The following TFAP2A variants were observed in gnomAD, a reference collection of about 807,000 sequenced individuals.
The protein encoded by TFAP2A is transcription factor AP-2-alpha.
A neutral mutation model predicts 41.5 loss-of-function variants in TFAP2A; 7 were observed. The observed-to-expected ratio is 0.17, with a 90% CI of 0.10 to 0.32. The LOEUF is 0.32. Among genes scored for constraint, TFAP2A ranks in the 10% least tolerant of loss-of-function variants. TFAP2A has a pLI of 1.00. For missense variants in TFAP2A, 416 were observed against 563.3 expected (o/e 0.74, Z 2.65); for synonymous variants, 247 against 242.8 (o/e 1.02, Z -0.16).
intron 4 of TFAP2A, among the ~76,000 whole-genome samples, chr6:10,403,612 A>G (rs1757523340): frequency 6.7e-6 from 1 of 149,794 alleles, no homozygotes; most frequent in South Asian, 2.1e-4. Context: ...AAAGAAGAGA[A>G]GAAACATTAT....
At chr6:10,412,352 G>A in intron 1 of TFAP2A, 1 of 934,440 alleles carries the variant, frequency 1.1e-6, no homozygotes, top group Non-Finnish European at 1.3e-6. Context: ...AGCGCAGAGA[G>A]GGAGAATGTG....
rs1416631400 is a variant in TFAP2A at position 10,398,892 on chromosome 6, A to C, written c.1032-187T>G. 6.6e-6 allele frequency among the ~76,000 whole-genome samples: 1 copy of C among 152,162 alleles called. No individual in the cohort carries two copies. Among genetic ancestry groups the C allele is most frequent in the African/African-American group, 2.4e-5 (1 of 41,436 alleles). On this transcript the variant is annotated intron_variant, in intron 6 of 6. Coordinates refer to ENST00000379613, the MANE Select transcript of TFAP2A (RefSeq NM_001372066.1). This position sits in a 1 kb window ranked among gnomAD's most constrained non-coding sequence, Gnocchi z 5.3. Reference sequence around the variant, plus strand: ...GAGATCCAGCCACCTTTCAGTGACCACTAAACCATCTCTCTTTACTTCCTA... The same window carrying C: ...GAGATCCAGCCACCTTTCAGTGACCCCTAAACCATCTCTCTTTACTTCCTA...
At chr6:10,415,355 A>C, upstream of TFAP2A, 1 of 1,099,322 alleles carries the variant, frequency 9.1e-7, no homozygotes, top group Non-Finnish European at 1.2e-6. Flanking sequence ...CAGTACCACA[A>C]TCTGCCGCCG....
rs1201428666 is a variant in TFAP2A, at chr6:10,400,543, G to A, written c.936C>T (p.Thr312=). 6 of 1,614,076 alleles carry A rather than the reference G, an allele frequency of 3.7e-6. No individual in the cohort carries two copies. The African/African-American group carries it at 5.3e-5, about 14-fold the overall frequency. The change falls in exon 6 of 7, where the codon ACC becomes ACT. Residue 312 remains threonine, a synonymous_variant. Coordinates refer to ENST00000379613, the MANE Select transcript of TFAP2A (RefSeq NM_001372066.1). Reference sequence around the variant, plus strand: ...CAGCTACTGCTTTGGCAGGAAATTCGGTTTCGCACACGTACCCAAAGTCCC... The same window carrying A: ...CAGCTACTGCTTTGGCAGGAAATTCAGTTTCGCACACGTACCCAAAGTCCC... ...LARDFGYVCE[T]EFPAKAVAEF...
chr6:10,419,361 C>G (rs933316101), upstream of TFAP2A: 26 of 1,585,992 alleles, frequency 1.6e-5, no homozygotes, highest in African/African-American at 4.0e-5. Context: ...CGCTCCGGCC[C>G]CCTCCCCTAC....
intron 1 of TFAP2A, 24 bp downstream of exon 1, chr6:10,414,917 T>C (rs760053934): frequency 6.2e-7 from 1 of 1,612,838 alleles, no homozygotes; most frequent in Admixed American, 1.7e-5. Context: ...ACCGCACGGA[T>C]GATCGAGCCG....
intron 1 of TFAP2A, chr6:10,411,434 G>C (rs985114603): frequency 1.2e-5 from 17 of 1,435,772 alleles, no homozygotes; most frequent in African/African-American, 8.4e-5. Context: ...GGAAGGTGGG[G>C]TGGGGGATGC....
Position 10,404,484 on chromosome 6 carries a change from G to A in TFAP2A, c.770+24C>T, listed in dbSNP as rs554069233. ...GGTTCCCCCGGCCGCGGGGCGGGGC[G>A]GGCGGGGCCGTGCCGGGCCTCACCT... On this transcript the variant is annotated intron_variant, in intron 4 of 6. Coordinates refer to ENST00000379613, the MANE Select transcript of TFAP2A (RefSeq NM_001372066.1). 4.6e-6 allele frequency: 7 copies of A among 1,512,932 alleles called. No homozygotes were observed. The East Asian group carries it at 1.0e-4, about 23-fold the overall frequency. 93.7% of individuals were successfully genotyped at this position (1,512,932 alleles called of 1,614,324 possible).
At chr6:10,419,448 C>T, upstream of TFAP2A, 2 of 1,614,170 alleles carry the variant, frequency 1.2e-6, no homozygotes, top group East Asian at 2.2e-5. Flanking sequence ...CAAGTATGGA[C>T]ATCGCGGCTC....
chr6:10,399,898 C>T (rs1050449130), intron 6 of TFAP2A, among the ~76,000 whole-genome samples: 24 of 118,488 alleles, frequency 2.0e-4, no homozygotes, highest in Admixed American at 9.1e-4. Flanking sequence ...GGGTGTGGGT[C>T]TCTCTCTCTC....
At chr6:10,400,718 C>G (rs1030616041) in intron 5 of TFAP2A, 129 bp from the exon 6 acceptor site, 1 of 1,107,910 alleles carries the variant, frequency 9.0e-7, no homozygotes. Flanking sequence ...TACTTGTTTT[C>G]TCATTTCAGG....
chr6:10,402,343 C>T (rs765317217), intron 5 of TFAP2A, 149 bp downstream of exon 5: 1 of 751,480 alleles, frequency 1.3e-6, no homozygotes, highest in Admixed American at 1.8e-5. Context: ...TTCTTTTTGC[C>T]ATGAAATAAT....
intron 1 of TFAP2A, chr6:10,411,980 G>A (rs951312640): frequency 9.2e-7 from 1 of 1,087,566 alleles, no homozygotes; most frequent in Non-Finnish European, 1.1e-6. Flanking sequence ...CTTCGCTTGA[G>A]CTTCTAATAA....
chr6:10,404,247 G>A (rs943775112), intron 4 of TFAP2A, among the ~76,000 whole-genome samples: 6 of 152,128 alleles, frequency 3.9e-5, no homozygotes, highest in Admixed American at 3.9e-4. Flanking sequence ...GACTCCGCGA[G>A]CGCGCGGCAG....
At chr6:10,406,664 CCTAT>C (rs1054839270) in intron 3 of TFAP2A, 125 bp downstream of exon 3, 150 of 798,856 alleles carry the variant, frequency 1.9e-4, no homozygotes, top group South Asian at 4.3e-4. Flanking sequence ...CTGTTCTGTG[CCTAT>C]CTATTTGCTA....
At chr6:10,417,552 C>T (rs1247023649), upstream of TFAP2A, among the ~76,000 whole-genome samples, 1 of 152,238 alleles carries the variant, frequency 6.6e-6, no homozygotes, top group Non-Finnish European at 1.5e-5. Flanking sequence ...AGCGCCAGGC[C>T]TGGGGTTGGA....
Position 10,410,312 on chromosome 6 carries a change from G to A in TFAP2A, c.75C>T (p.Asn25=), listed in dbSNP as rs1409558696. The A allele has an allele frequency of 1.2e-6, 2 of 1,612,192 alleles. No homozygotes were observed. The highest frequency in any genetic ancestry group is 3.3e-5 in the Admixed American group (2 of 59,868). ...DCEDRHDGTS[N]GTARLPQLGT... ...CCAGCTGGGGCAACCGTGCCGTCCC[G>A]TTGCTGGTGCCGTCGTGACGGTCCT... Residue 25 remains asparagine, a synonymous_variant, in exon 2 of 7, where the codon AAC becomes AAT. Transcript: ENST00000379613.
At position 10,402,486 on chromosome 6, in the gene TFAP2A, G is replaced by A. The variant is rs752341029; in HGVS notation, c.889+6C>T. The A allele has an allele frequency of 5.6e-6, 9 of 1,600,090 alleles. No individual in the cohort carries two copies. Among genetic ancestry groups the A allele is most frequent in the African/African-American group, 5.4e-5 (4 of 74,628 alleles). ...TTCCTTCTAGTTAGCAAGTGGATTC[G>A]CTTACCCTCTACTAGTGATGTGAGC... On this transcript the variant is annotated splice_donor_region_variant and intron_variant, in intron 5 of 6. Coordinates refer to ENST00000379613, the MANE Select transcript of TFAP2A (RefSeq NM_001372066.1).
upstream of TFAP2A, chr6:10,419,493 G>A (rs374766084): frequency 1.7e-5 from 27 of 1,613,790 alleles, no homozygotes; most frequent in Non-Finnish European, 2.2e-5. Flanking sequence ...CCGGGCATGG[G>A]CTGGAGGGCT....
Sources: gnomAD v4.1 joint callset for allele counts (sites outside exome capture counted in the v4.1 genomes callset) on GRCh38, gnomAD v4.1.1 for gene constraint, Gnocchi (gnomAD v3.1) non-coding constraint, MANE v1.5 for transcripts, NCBI Gene and HGNC (gene_info 2026-07-23, HGNC 2026-07-21) for gene names.